The following LRP1 variants were observed in gnomAD, a reference collection of about 807,000 sequenced individuals.
The protein encoded by LRP1 is LDL receptor related protein 1.
LRP1 carries 51 observed loss-of-function variants against 541.5 expected under a neutral mutation model. That is an observed-to-expected ratio of 0.09 (90% CI 0.08 to 0.12). The LOEUF (loss-of-function observed/expected upper bound fraction) is 0.12, where lower values mean the gene tolerates loss of function less well. Ranked by LOEUF, LRP1 falls within the 10% of genes least tolerant of loss-of-function variation. LRP1 has a pLI of 1.00. For synonymous variants in LRP1, 2,219 were observed against 2,470.8 expected, an observed-to-expected ratio of 0.90 and a Z score of 3.02; for missense variants, 3,878 against 6,376.2, an observed-to-expected ratio of 0.61 and a Z score of 13.34.
At chr12:57,131,503 C>T (rs76238704) in intron 1 of LRP1, among the ~76,000 whole-genome samples, 2,697 of 152,188 alleles carry the variant, frequency 0.018, 76 homozygotes, top group African/African-American at 0.062. Context: ...CCCCTTGAGC[C>T]GGCATATTAC....
intron 11 of LRP1, among the ~76,000 whole-genome samples, chr12:57,159,227 A>G (rs2035681348): frequency 1.3e-5 from 2 of 152,154 alleles, no homozygotes; most frequent in East Asian, 1.9e-4. Context: ...CTCCCCATCA[A>G]TCTGGTGGAT....
chr12:57,188,530 A>C (rs1338057618), intron 42 of LRP1, among the ~76,000 whole-genome samples: 1 of 151,996 alleles, frequency 6.6e-6, no homozygotes, highest in Non-Finnish European at 1.5e-5. Flanking sequence ...CCCCCCTTCC[A>C]TGACCCTCGG....
Position 57,210,031 on chromosome 12 carries a change from A to G in LRP1, c.12442A>G (p.Thr4148Ala). The change falls in exon 81 of 89, where the codon ACC (threonine) becomes GCC (alanine). Residue 4148 changes from threonine to alanine, a missense_variant and splice_region_variant. Transcript: ENST00000243077. ...LYHQHKQPEVTNPCDRKKCEW... is the reference protein window; with the variant it reads ...LYHQHKQPEVANPCDRKKCEW... ...CCCCACCCCACCCATACCTGCAGTG[A>G]CCAACCCATGTGACCGCAAGAAATG... The G allele has an allele frequency of 2.5e-6, 4 of 1,606,968 alleles. No individual in the cohort carries two copies. The highest frequency in any genetic ancestry group is 3.4e-6 in the Non-Finnish European group (4 of 1,176,104).
rs369564225 is a variant in LRP1, at chr12:57,206,759, C to T, written c.11859+18C>T. The T allele has an allele frequency of 9.3e-6, 15 of 1,607,374 alleles. No homozygotes were observed. Among genetic ancestry groups the T allele is most frequent in the Middle Eastern group, 1.7e-4 (1 of 5,978 alleles). On this transcript the variant is annotated intron_variant, in intron 76 of 88. Transcript: ENST00000243077. This position sits in a 1 kb window ranked among gnomAD's most constrained non-coding sequence, Gnocchi z 4.7. The stretch of plus-strand genomic sequence containing the variant: ...ACCTCAACGTGAGTGCCCAACCTGG[C>T]GTGGATGGAGTGGAAGAGCTCCATA...
intron 6 of LRP1, among the ~76,000 whole-genome samples, chr12:57,152,415 C>T (rs1471826525): frequency 6.6e-6 from 1 of 152,164 alleles, no homozygotes; most frequent in African/African-American, 2.4e-5. Flanking sequence ...GGCACGCAGC[C>T]CTGTTTGACT....
rs2035629245 is a variant in LRP1 at position 57,156,829 on chromosome 12, T to C, written c.1470T>C (p.Ser490=). 6.2e-7 allele frequency: 1 copy of C among 1,608,492 alleles called. No homozygotes were observed. The highest frequency in any genetic ancestry group is 8.5e-7 in the Non-Finnish European group (1 of 1,178,456). ...AGTATGGGAAGCCGGGTGGCTGCTC[T>C]GACATCTGCCTGCTGGCCAACAGCC... is the stretch of plus-strand genomic sequence containing the variant. ...NDQYGKPGGC[S]DICLLANSHK... is the part of the protein sequence containing the mutation. The change falls in exon 10 of 89, where the codon TCT becomes TCC. Residue 490 remains serine, a synonymous_variant. Transcript: ENST00000243077. The surrounding 1 kb of genome is among the most constrained non-coding windows in gnomAD (Gnocchi z 5.2).
chr12:57,202,271 G>A lies in LRP1; in HGVS notation c.10595-150G>A, dbSNP rs891653161. On this transcript the variant is annotated intron_variant, in intron 67 of 88. Transcript: ENST00000243077. ...CCCCAAACCTCCTTATAGACCCCAC[G>A]TCTCAAAACACCGCCTGGGCTCCCC... 3.8e-5 allele frequency: 27 copies of A among 711,820 alleles called. 1 individual carries two copies. Among genetic ancestry groups the A allele is most frequent in the Middle Eastern group, 2.4e-4 (1 of 4,164 alleles). The allele number at this position is 711,820 out of a possible 1,614,324, so 44.1% of individuals were successfully genotyped here.
rs952207566 is a variant in LRP1, at chr12:57,185,711, C to T, written c.6644C>T (p.Ser2215Leu). Residue 2215 changes from serine (S) to leucine (L), a missense_variant, in exon 41 of 89, where the codon TCG becomes TTG. Ser to Leu is a moderately radical substitution (Grantham distance 145). Transcript: ENST00000243077. The surrounding 1 kb of genome is among the most constrained non-coding windows in gnomAD (Gnocchi z 4.9). ...ACCATTCTCAAGAGTATCCACCTGT[C>T]GGATGAGCGCAACCTCAATGCGCCC... Reference protein sequence around the residue: ...ERTILKSIHLSDERNLNAPVQ... With the variant: ...ERTILKSIHLLDERNLNAPVQ... 3.1e-6 allele frequency: 5 copies of T among 1,614,062 alleles called. No homozygotes were observed. In the African/African-American group the frequency reaches 4.0e-5, roughly 13 times the overall value.
chr12:57,180,205 G>A (rs1438370696), intron 31 of LRP1, 64 bp downstream of exon 31: 31 of 1,581,920 alleles, frequency 2.0e-5, no homozygotes, highest in Non-Finnish European at 2.6e-5. Context: ...GGTGCTTGCA[G>A]GGTCCTTCAG....
intron 31 of LRP1, 25 bp from the exon 32 acceptor site, chr12:57,180,305 C>G: frequency 6.2e-7 from 1 of 1,612,944 alleles, no homozygotes; most frequent in South Asian, 1.1e-5. Context: ...GCCAGACTCC[C>G]CGGCAGTGAC....
chr12:57,168,520 G>C (rs1054749278), intron 19 of LRP1, among the ~76,000 whole-genome samples: 6 of 152,176 alleles, frequency 3.9e-5, no homozygotes, highest in Non-Finnish European at 7.4e-5. Context: ...AAAAGAGGCA[G>C]GAACATAACC....
rs566969943 is a variant in LRP1 at position 57,202,853 on chromosome 12, C to A, written c.10711+316C>A. The A allele has an allele frequency of 1.2e-5, 7 of 568,046 alleles. No homozygotes were observed. The Admixed American group carries it at 1.8e-4, about 15-fold the overall frequency. The allele number at this position is 568,046 out of a possible 1,614,324, so 35.2% of individuals were successfully genotyped here. On this transcript the variant is annotated intron_variant, in intron 68 of 88. Coordinates refer to ENST00000243077, the MANE Select transcript of LRP1 (RefSeq NM_002332.3). ...CCTGTGCTGTGCCTCTACCCATCAT[C>A]CTTGATTGACCTCTCCCCAAACCCT...
chr12:57,143,574 T>C (rs763115732), intron 3 of LRP1, 105 bp from the exon 4 acceptor site: 2 of 1,422,768 alleles, frequency 1.4e-6, no homozygotes, highest in Non-Finnish European at 1.9e-6. Context: ...CTGCAGCCCT[T>C]AGAAGTGGTT....
At chr12:57,194,107 C>T (rs750751742) in intron 48 of LRP1, 95 bp downstream of exon 48, 103 of 1,172,722 alleles carry the variant, frequency 8.8e-5, no homozygotes, top group Non-Finnish European at 1.2e-4. Flanking sequence ...CCACATTCCT[C>T]TCTGCCTTCC....
chr12:57,150,699 C>T (rs971749453), intron 6 of LRP1, among the ~76,000 whole-genome samples: 1 of 152,192 alleles, frequency 6.6e-6, no homozygotes, highest in Non-Finnish European at 1.5e-5. Context: ...GTGGGAACCG[C>T]AGCCCCCATG....
Position 57,179,055 on chromosome 12 carries a change from C to T in LRP1, c.4738+34C>T, listed in dbSNP as rs750772472. 5 of 1,604,028 alleles carry T rather than the reference C, an allele frequency of 3.1e-6. No individual in the cohort carries two copies. Among genetic ancestry groups the T allele is most frequent in the African/African-American group, 1.3e-5 (1 of 74,368 alleles). On this transcript the variant is annotated intron_variant, in intron 28 of 88. Transcript: ENST00000243077. This position sits in a 1 kb window ranked among gnomAD's most constrained non-coding sequence, Gnocchi z 6.8. ...CCCTCCCTCCAGAGCCAGTGAGCAA[C>T]TGAGGCTGGAGGGAAGGCCGCAGGC...
chr12:57,180,528 G>A lies in LRP1; in HGVS notation c.5386+49G>A, dbSNP rs201387040. 3.2e-5 allele frequency: 51 copies of A among 1,609,550 alleles called. No homozygotes were observed. In the East Asian group the frequency reaches 1.1e-3, roughly 35 times the overall value. On this transcript the variant is annotated intron_variant, in intron 32 of 88. Coordinates refer to ENST00000243077, the MANE Select transcript of LRP1 (RefSeq NM_002332.3). ...AGATGACGCAGAGCAGGCCAGGCCA[G>A]ACCTACTGGGAGACAGGGGCTGGCT...
At chr12:57,152,880 C>T (rs139344174) in intron 6 of LRP1, among the ~76,000 whole-genome samples, 14 of 152,314 alleles carry the variant, frequency 9.2e-5, no homozygotes, top group African/African-American at 3.1e-4. Flanking sequence ...TTGAGAGCGG[C>T]GTTCCTGTTC....
At chr12:57,136,353 A>T (rs953602999) in intron 1 of LRP1, among the ~76,000 whole-genome samples, 3 of 148,038 alleles carry the variant, frequency 2.0e-5, no homozygotes, top group African/African-American at 7.6e-5. Context: ...AGGAGGGAAG[A>T]CATCTCAGTG....
Sources: gnomAD v4.1 joint callset for allele counts (sites outside exome capture counted in the v4.1 genomes callset) on GRCh38, gnomAD v4.1.1 for gene constraint, Gnocchi (gnomAD v3.1) non-coding constraint, MANE v1.5 for transcripts, NCBI Gene and HGNC (gene_info 2026-07-23, HGNC 2026-07-21) for gene names.